PCDHA13: variants seen among roughly 807,000 people sequenced by gnomAD.
The protein encoded by PCDHA13 is protocadherin alpha 13, also known as protocadherin alpha-13.
PCDHA13 carries 54 observed loss-of-function variants against 64.8 expected under a neutral mutation model. The observed-to-expected ratio is 0.83, with a 90% CI of 0.67 to 1.04. PCDHA13 has a LOEUF of 1.04. PCDHA13 is among the 50% of genes least tolerant of loss of function. The pLI is 0.00. For missense variants in PCDHA13, 1,248 were observed against 1,254.3 expected, an observed-to-expected ratio of 0.99 and a Z score of 0.08; for synonymous variants, 587 against 564.4, an observed-to-expected ratio of 1.04 and a Z score of -0.57.
intron 1 of PCDHA13, among the ~76,000 whole-genome samples, chr5:140,934,231 C>T (rs2089713851): frequency 6.6e-6 from 1 of 152,014 alleles, no homozygotes; most frequent in African/African-American, 2.4e-5. Context: ...AAGATTTGTA[C>T]TTAATTGTGG....
At chr5:140,967,780 T>C in intron 1 of PCDHA13, 1 of 1,614,214 alleles carries the variant, frequency 6.2e-7, no homozygotes, top group Non-Finnish European at 8.5e-7. Context: ...TGCAGGCGAC[T>C]GACCGGGGTC....
Position 140,884,634 on chromosome 5 carries a change from G to A in PCDHA13, c.2366G>A (p.Arg789Lys). The change falls in exon 1 of 4, where the codon AGG (arginine) becomes AAG (lysine). Residue 789 changes from arginine (R) to lysine (K), a missense_variant. By Grantham distance (26) the Arg-to-Lys change is conservative. Coordinates refer to ENST00000289272, the MANE Select transcript of PCDHA13 (RefSeq NM_018904.3). ...GGTTCTGCAGAGGGAACAGGCCAGA[G>A]GGAGGAGGACTCAGAATGCTTGAAA... ...CLGSAEGTGQ[R>K]EEDSECLKEP... 1 of 1,612,414 alleles carries A rather than the reference G, an allele frequency of 6.2e-7. No homozygotes were observed. The highest frequency in any genetic ancestry group is 8.5e-7 in the Non-Finnish European group (1 of 1,179,358).
chr5:140,940,096 T>C (rs2153644801), intron 1 of PCDHA13, among the ~76,000 whole-genome samples: 1 of 152,378 alleles, frequency 6.6e-6, no homozygotes, highest in East Asian at 1.9e-4. Context: ...ATTGAAACTT[T>C]TAGCGTTATG....
At chr5:140,955,480 C>T (rs940139413) in intron 1 of PCDHA13, among the ~76,000 whole-genome samples, 3 of 152,088 alleles carry the variant, frequency 2.0e-5, no homozygotes, top group African/African-American at 7.2e-5. Flanking sequence ...GGCACCTCTC[C>T]TTCCTGCCAC....
rs782820820 is a variant in PCDHA13, at chr5:140,883,974, G to A, written c.1706G>A (p.Gly569Glu). 6 of 1,612,844 alleles carry A rather than the reference G, an allele frequency of 3.7e-6. No homozygotes were observed. Among genetic ancestry groups the A allele is most frequent in the African/African-American group, 2.7e-5 (2 of 74,930 alleles). Reference protein sequence around the residue: ...NDNAPALLTPGAGSAGGTVSE... With the variant: ...NDNAPALLTPEAGSAGGTVSE... Reference sequence around the variant, plus strand: ...AACGCTCCGGCGCTGCTGACGCCCGGGGCTGGCAGCGCGGGAGGCACAGTG... The same window carrying A: ...AACGCTCCGGCGCTGCTGACGCCCGAGGCTGGCAGCGCGGGAGGCACAGTG... The change falls in exon 1 of 4, where the codon GGG becomes GAG. Residue 569 changes from glycine (G) to glutamate (E), a missense_variant. Coordinates refer to ENST00000289272, the MANE Select transcript of PCDHA13 (RefSeq NM_018904.3).
At chr5:140,892,445 T>C (rs1177566356) in intron 1 of PCDHA13, among the ~76,000 whole-genome samples, 1 of 152,214 alleles carries the variant, frequency 6.6e-6, no homozygotes, top group Non-Finnish European at 1.5e-5. Context: ...AAAATTTACA[T>C]GTATTCTTTA....
chr5:140,983,777 A>G (rs947937417), intron 3 of PCDHA13, among the ~76,000 whole-genome samples: 1 of 152,256 alleles, frequency 6.6e-6, no homozygotes, highest in Non-Finnish European at 1.5e-5. Context: ...ATCTACATAC[A>G]TAACAGATGA....
chr5:140,882,582 A>G lies in PCDHA13; in HGVS notation c.314A>G (p.His105Arg), dbSNP rs1554174663. 1 of 1,614,114 alleles carries G rather than the reference A, an allele frequency of 6.2e-7. No individual in the cohort carries two copies. The highest frequency in any genetic ancestry group is 2.2e-5 in the East Asian group (1 of 44,900). Residue 105 changes from histidine (H) to arginine (R), a missense_variant, in exon 1 of 4, where the codon CAC (histidine) becomes CGC (arginine). Transcript: ENST00000289272. ...LCGRSAECSIHLEVIVDRPLQ... is the reference protein window; with the variant it reads ...LCGRSAECSIRLEVIVDRPLQ... ...GGGCGGAGCGCGGAGTGCAGCATCC[A>G]CCTGGAGGTGATCGTGGACAGGCCT...
intron 1 of PCDHA13, chr5:140,968,614 A>T: frequency 6.2e-7 from 1 of 1,614,142 alleles, no homozygotes; most frequent in Non-Finnish European, 8.5e-7. Context: ...ACTCTGGGCA[A>T]AATGCTTGGC....
intron 3 of PCDHA13, among the ~76,000 whole-genome samples, chr5:141,005,485 T>C (rs57509018): frequency 5.3e-5 from 8 of 151,370 alleles, no homozygotes; most frequent in Non-Finnish European, 1.0e-4. Context: ...GGGCGGATCA[T>C]GAGGTCAGGA....
At chr5:140,975,491 C>T (rs2153807371) in intron 1 of PCDHA13, among the ~76,000 whole-genome samples, 1 of 152,274 alleles carries the variant, frequency 6.6e-6, no homozygotes, top group Middle Eastern at 3.4e-3. Flanking sequence ...TATCAATGTT[C>T]ATAAAATAGC....
chr5:140,903,367 T>G (rs1247838310), intron 1 of PCDHA13, among the ~76,000 whole-genome samples: 1 of 152,188 alleles, frequency 6.6e-6, no homozygotes, highest in African/African-American at 2.4e-5. Flanking sequence ...TTCAAAAATA[T>G]AGGGAGGATT....
chr5:140,905,882 A>G (rs1213836068), intron 1 of PCDHA13, among the ~76,000 whole-genome samples: 1 of 152,192 alleles, frequency 6.6e-6, no homozygotes, highest in Admixed American at 6.5e-5. Context: ...GCCCAACAAT[A>G]GGCCATCTGC....
At chr5:140,948,735 A>C (rs756182090) in intron 1 of PCDHA13, among the ~76,000 whole-genome samples, 3 of 151,562 alleles carry the variant, frequency 2.0e-5, no homozygotes, top group Non-Finnish European at 4.4e-5. Flanking sequence ...AGTCTAGCTG[A>C]GAATTTATCA....
At chr5:140,967,518 A>T (rs1554229639) in intron 1 of PCDHA13, 1 of 1,612,930 alleles carries the variant, frequency 6.2e-7, no homozygotes, top group Non-Finnish European at 8.5e-7. Flanking sequence ...CTGGACACTA[A>T]CGACAACTCT....
At chr5:140,971,462 A>G (rs1554233357) in intron 1 of PCDHA13, among the ~76,000 whole-genome samples, 1 of 152,184 alleles carries the variant, frequency 6.6e-6, no homozygotes, top group African/African-American at 2.4e-5. Flanking sequence ...TTTTGCAGTT[A>G]TAGGGAGAGA....
intron 3 of PCDHA13, among the ~76,000 whole-genome samples, chr5:140,986,846 A>G (rs782028314): frequency 6.6e-6 from 1 of 152,200 alleles, no homozygotes; most frequent in Non-Finnish European, 1.5e-5. Flanking sequence ...AAGGGGCAGC[A>G]ACACCAACAA....
chr5:140,996,217 T>C (rs2097717491), intron 3 of PCDHA13, among the ~76,000 whole-genome samples: 1 of 152,192 alleles, frequency 6.6e-6, no homozygotes, highest in South Asian at 2.1e-4. Context: ...TCACTACTTG[T>C]CTAGAAATGG....
chr5:140,884,688 CTTA>C (rs782481361), intron 1 of PCDHA13, 26 bp downstream of exon 1: 8 of 1,535,868 alleles, frequency 5.2e-6, no homozygotes, highest in Non-Finnish European at 8.8e-7. Flanking sequence ...AAAAAATTGT[CTTA>C]GTAAACACTT....
Sources: gnomAD v4.1 joint callset for allele counts (sites outside exome capture counted in the v4.1 genomes callset) on GRCh38, gnomAD v4.1.1 for gene constraint, MANE v1.5 for transcripts, NCBI Gene and HGNC (gene_info 2026-07-23, HGNC 2026-07-21) for gene names.